Variants in SEL1L3 observed in about 807,000 individuals in gnomAD.
SEL1L3 encodes the protein SEL1L family member 3.
A neutral mutation model predicts 142.8 loss-of-function variants in SEL1L3; 76 were observed. The ratio of observed to expected loss-of-function variants is 0.53; its 90% CI spans 0.44 to 0.64. The LOEUF (loss-of-function observed/expected upper bound fraction) is 0.64. Among genes scored for constraint, SEL1L3 ranks in the 30% least tolerant of loss-of-function variants. SEL1L3 has a pLI of 0.00. For synonymous variants in SEL1L3, 504 were observed against 519.6 expected (o/e 0.97, Z 0.41); for missense variants, 1,262 against 1,381.7 (o/e 0.91, Z 1.37).
the SEL1L3 span, among the ~76,000 whole-genome samples, chr4:25,739,079 C>T: frequency 3.3e-5 from 5 of 151,802 alleles, no homozygotes. Context: ...ATGGTGGGGG[C>T]ACACCTGTAA....
intron 1 of SEL1L3, among the ~76,000 whole-genome samples, chr4:25,862,410 AACCCG>A (rs1717781127): frequency 1.3e-5 from 2 of 151,978 alleles, no homozygotes. Context: ...TCTCGAGGGT[AACCCG>A]ACCCGGGTCT....
chr4:25,811,748 G>GTTTTTTTTTTTTT (rs60024973), intron 9 of SEL1L3, among the ~76,000 whole-genome samples: 5 of 121,604 alleles, frequency 4.1e-5, no homozygotes, highest in Non-Finnish European at 7.1e-5. Context: ...TTCTTTTCCT[G>GTTTTTTTTTTTTT]TTTTTTTTTT....
chr4:25,829,726 A>T (rs1043084486), intron 6 of SEL1L3, among the ~76,000 whole-genome samples: 3 of 152,242 alleles, frequency 2.0e-5, no homozygotes, highest in Admixed American at 6.5e-5. Flanking sequence ...TATGTCTTAT[A>T]TGAGGCCAAA....
At chr4:25,733,448 T>A in the SEL1L3 span, among the ~76,000 whole-genome samples, 1 of 152,034 alleles carries the variant, frequency 6.6e-6, no homozygotes, top group Admixed American at 6.6e-5. Flanking sequence ...ATAATTTTTT[T>A]AATGTTGACT....
the SEL1L3 span, among the ~76,000 whole-genome samples, chr4:25,729,426 T>A: frequency 6.6e-6 from 1 of 152,178 alleles, no homozygotes; most frequent in African/African-American, 2.4e-5. Context: ...TAAATACATA[T>A]ATTTAGGCTG....
At chr4:25,792,390 C>T (rs1712405208) in intron 11 of SEL1L3, among the ~76,000 whole-genome samples, 1 of 152,164 alleles carries the variant, frequency 6.6e-6, no homozygotes, top group South Asian at 2.1e-4. Context: ...GGGATGTCGC[C>T]CTCTAGTGAG....
chr4:25,797,810 G>A (rs991690535), intron 11 of SEL1L3, among the ~76,000 whole-genome samples: 7 of 152,220 alleles, frequency 4.6e-5, no homozygotes, highest in East Asian at 1.9e-4. Context: ...AACAGATGAC[G>A]TCCTTGCCTC....
the SEL1L3 span, among the ~76,000 whole-genome samples, chr4:25,726,335 C>G: frequency 1.3e-5 from 2 of 151,938 alleles, no homozygotes; most frequent in Non-Finnish European, 2.9e-5. Flanking sequence ...CAAGACCAGC[C>G]TGACCAACAT....
chr4:25,727,017 G>A, the SEL1L3 span, among the ~76,000 whole-genome samples: 231 of 151,188 alleles, frequency 1.5e-3, 1 homozygote, highest in African/African-American at 5.2e-3. Context: ...AGCGCCCTTC[G>A]TGTCTCTCTG....
chr4:25,863,470 G>A (rs1476466138), upstream of SEL1L3: 3 of 702,484 alleles, frequency 4.3e-6, no homozygotes, highest in Admixed American at 6.0e-5. Context: ...TCCCGCCCGT[G>A]CAATGGGTTT....
the SEL1L3 span, among the ~76,000 whole-genome samples, chr4:25,727,431 G>T: frequency 6.6e-6 from 1 of 152,152 alleles, no homozygotes; most frequent in Admixed American, 6.5e-5. Flanking sequence ...ACCCATCTTT[G>T]AAGGCATTGT....
chr4:25,727,084 G>T, the SEL1L3 span, among the ~76,000 whole-genome samples: 2 of 63,092 alleles, frequency 3.2e-5, no homozygotes, highest in Admixed American at 2.8e-4. Flanking sequence ...ACGGAGTCTC[G>T]CTCTGTCACC....
chr4:25,834,809 A>G (rs1335958500), intron 3 of SEL1L3, among the ~76,000 whole-genome samples: 3 of 152,196 alleles, frequency 2.0e-5, no homozygotes, highest in African/African-American at 7.2e-5. Context: ...GCTGAAATCA[A>G]TGGAGGAGAT....
the SEL1L3 span, among the ~76,000 whole-genome samples, chr4:25,715,433 T>A: frequency 1.3e-5 from 2 of 152,228 alleles, no homozygotes; most frequent in Non-Finnish European, 2.9e-5. Flanking sequence ...TGACTTATGT[T>A]ATTGTCCATG....
chr4:25,795,951 G>A (rs1308455615), intron 11 of SEL1L3, among the ~76,000 whole-genome samples: 1 of 152,074 alleles, frequency 6.6e-6, no homozygotes, highest in Admixed American at 6.5e-5. Context: ...CTGGGCGGGT[G>A]TGTGGGGTAG....
chr4:25,838,805 T>A (rs1352246435), intron 2 of SEL1L3, among the ~76,000 whole-genome samples: 1 of 152,046 alleles, frequency 6.6e-6, no homozygotes, highest in Non-Finnish European at 1.5e-5. Flanking sequence ...CTGGGTCAGG[T>A]GGGGTTAAGG....
At chr4:25,752,108 C>CAAAAAAAA (rs758727448) in intron 23 of SEL1L3, among the ~76,000 whole-genome samples, 2 of 99,418 alleles carry the variant, frequency 2.0e-5, no homozygotes, top group South Asian at 3.5e-4. Flanking sequence ...GACTCCATCT[C>CAAAAAAAA]AAAAAAAAAA....
At chr4:25,818,632 G>A (rs1714553187) in intron 8 of SEL1L3, among the ~76,000 whole-genome samples, 1 of 152,152 alleles carries the variant, frequency 6.6e-6, no homozygotes, top group African/African-American at 2.4e-5. Flanking sequence ...CAAGATGATA[G>A]GAAAATCTTC....
chr4:25,855,140 C>T (rs1717168192), intron 1 of SEL1L3, among the ~76,000 whole-genome samples: 1 of 152,236 alleles, frequency 6.6e-6, no homozygotes, highest in African/African-American at 2.4e-5. Flanking sequence ...ACAAAACCAA[C>T]ACTGATTAGC....
Sources: allele counts gnomAD v4.1 joint callset (sites outside exome capture counted in the v4.1 genomes callset), GRCh38; gene constraint gnomAD v4.1.1; transcripts MANE v1.5; gene names NCBI Gene and HGNC (gene_info 2026-07-23, HGNC 2026-07-21).